TBC1D9: variants seen among roughly 807,000 people sequenced by gnomAD.
The protein encoded by TBC1D9 is TBC1 domain family member 9.
Under a neutral mutation model 132.0 loss-of-function variants are expected in TBC1D9, and 63 were observed. That is an observed-to-expected ratio of 0.48 (90% confidence interval 0.39 to 0.59). The LOEUF (loss-of-function observed/expected upper bound fraction) is 0.59, where lower values mean the gene tolerates loss of function less well. Among genes scored for constraint, TBC1D9 ranks in the 20% least tolerant of loss-of-function variants. The pLI is 0.00. For missense variants in TBC1D9, 1,261 were observed against 1,592.7 expected, an observed-to-expected ratio of 0.79 and a Z score of 3.54; for synonymous variants, 610 against 609.9, an observed-to-expected ratio of 1.00 and a Z score of 0.00.
At chr4:140,635,244 C>G (rs1182949640) in intron 15 of TBC1D9, among the ~76,000 whole-genome samples, 2 of 151,860 alleles carry the variant, frequency 1.3e-5, no homozygotes, top group African/African-American at 4.8e-5. Flanking sequence ...TTTGGGAGGC[C>G]AGGCGAGAGG....
chr4:140,622,953 T>C, intron 20 of TBC1D9, 36 bp from the exon 21 acceptor site: 13 of 1,474,818 alleles, frequency 8.8e-6, no homozygotes, highest in Non-Finnish European at 1.2e-5. Context: ...ATGTGAAATC[T>C]TGGGGGAGCA....
Position 140,634,127 on chromosome 4 carries a change from G to T in TBC1D9, c.2567C>A (p.Pro856His). ...ATACTGTTCCAGGTAGGGCAGGCTG[G>T]GGTCATGCCGGTCCAGCGCGTTGCT... is the stretch of plus-strand genomic sequence containing the variant. ...GSSNALDRHD[P>H]SLPYLEQYRI... Residue 856 changes from proline (P) to histidine (H), a missense_variant, in exon 16 of 21, where the codon CCC becomes CAC. Pro to His is a moderately conservative substitution (Grantham distance 77). This residue lies in a region of TBC1D9 where 618 missense variants were observed against 724.4 expected (regional missense o/e 0.85). Coordinates refer to ENST00000442267, the MANE Select transcript of TBC1D9 (RefSeq NM_015130.3). 1.2e-6 allele frequency: 2 copies of T among 1,613,950 alleles called. No homozygotes were observed. Among genetic ancestry groups the T allele is most frequent in the Non-Finnish European group, 1.7e-6 (2 of 1,179,904 alleles).
intron 2 of TBC1D9, among the ~76,000 whole-genome samples, chr4:140,696,328 G>A (rs1737957606): frequency 1.3e-5 from 2 of 151,708 alleles, no homozygotes; most frequent in South Asian, 4.2e-4. Context: ...GTGGTGGCAG[G>A]TGCCTGTAAT....
chr4:140,647,913 C>T (rs1432528237), intron 13 of TBC1D9, among the ~76,000 whole-genome samples: 7 of 151,624 alleles, frequency 4.6e-5, no homozygotes, highest in South Asian at 2.1e-4. Context: ...CTCCCTCCCC[C>T]GACTTTGGGG....
intron 13 of TBC1D9, among the ~76,000 whole-genome samples, chr4:140,641,121 C>G: frequency 1.0e-5 from 1 of 98,164 alleles, no homozygotes; most frequent in Admixed American, 9.3e-5. Context: ...AAAACAGAAG[C>G]AAAAGAGCAT....
At chr4:140,664,184 A>G (rs1459264253) in intron 9 of TBC1D9, among the ~76,000 whole-genome samples, 1 of 152,120 alleles carries the variant, frequency 6.6e-6, no homozygotes, top group Non-Finnish European at 1.5e-5. Context: ...CCTTAAATAT[A>G]TATACTTTTT....
chr4:140,756,372 A>T lies in TBC1D9; in HGVS notation c.-327T>A, dbSNP rs998760774. On this transcript the variant is annotated 5_prime_UTR_variant, in exon 1 of 21. Coordinates refer to ENST00000442267, the MANE Select transcript of TBC1D9 (RefSeq NM_015130.3). The surrounding 1 kb of genome is among the most constrained non-coding windows in gnomAD (Gnocchi z 5.6). Reference sequence around the variant, plus strand: ...GCTCCCGGCCCACGGCGGCGGGAGGAGCGGGAGGAGGAGGAAGAGGAGGAG... The same window carrying T: ...GCTCCCGGCCCACGGCGGCGGGAGGTGCGGGAGGAGGAGGAAGAGGAGGAG... Among the ~76,000 whole-genome samples the T allele has an allele frequency of 1.3e-5, 2 of 151,768 alleles. No individual in the cohort carries two copies. The highest frequency in any genetic ancestry group is 2.9e-5 in the Non-Finnish European group (2 of 67,892).
At chr4:140,729,818 CAAAAAAAAAAA>C (rs35283552) in intron 1 of TBC1D9, among the ~76,000 whole-genome samples, 588 of 51,930 alleles carry the variant, frequency 0.011, 17 homozygotes, top group African/African-American at 0.045. Flanking sequence ...GATTCCATCT[CAAAAAAAAAAA>C]AAAAAAAAAA....
At chr4:140,710,112 C>G (rs1738218852) in intron 1 of TBC1D9, among the ~76,000 whole-genome samples, 1 of 152,280 alleles carries the variant, frequency 6.6e-6, no homozygotes, top group East Asian at 1.9e-4. Context: ...AATTCTATAA[C>G]TCTCATTTGG....
intron 20 of TBC1D9, 68 bp downstream of exon 20, chr4:140,624,048 T>A: frequency 7.7e-7 from 1 of 1,292,546 alleles, no homozygotes; most frequent in Non-Finnish European, 1.1e-6. Flanking sequence ...CATTTATCGA[T>A]GACTTTTCAG....
intron 1 of TBC1D9, among the ~76,000 whole-genome samples, chr4:140,718,248 A>G (rs1457554743): frequency 7.7e-5 from 2 of 26,028 alleles, no homozygotes; most frequent in Non-Finnish European, 1.2e-4. Flanking sequence ...CTTTTTTCAG[A>G]AAAAAAAAAA....
intron 2 of TBC1D9, among the ~76,000 whole-genome samples, chr4:140,693,577 A>C (rs1737908822): frequency 2.0e-5 from 3 of 152,356 alleles, no homozygotes; most frequent in Admixed American, 6.5e-5. Context: ...AATACACGTC[A>C]AGTCCTTAGA....
At chr4:140,678,208 AG>A (rs1737654001) in intron 5 of TBC1D9, among the ~76,000 whole-genome samples, 1 of 152,240 alleles carries the variant, frequency 6.6e-6, no homozygotes, top group Non-Finnish European at 1.5e-5. Context: ...ACCTCTGGTT[AG>A]ATTTCAACTA....
At chr4:140,747,500 A>G (rs1560903603) in intron 1 of TBC1D9, among the ~76,000 whole-genome samples, 1 of 152,244 alleles carries the variant, frequency 6.6e-6, no homozygotes, top group Admixed American at 6.5e-5. Context: ...ATGTCAGATA[A>G]GATAATCTAT....
intron 1 of TBC1D9, among the ~76,000 whole-genome samples, chr4:140,717,839 C>T (rs147634766): frequency 0.013 from 1,903 of 152,226 alleles, 17 homozygotes; most frequent in Non-Finnish European, 0.017. Context: ...CCCAGGAGCC[C>T]CCCAACTTAT....
chr4:140,697,505 T>C (rs1737988880), intron 2 of TBC1D9, among the ~76,000 whole-genome samples: 1 of 152,222 alleles, frequency 6.6e-6, no homozygotes, highest in East Asian at 1.9e-4. Context: ...GGGTAATCAA[T>C]ATATACAAAA....
Position 140,621,956 on chromosome 4 carries a change from C to G in TBC1D9, c.*239G>C, listed in dbSNP as rs1462611329. On this transcript the variant is annotated 3_prime_UTR_variant, in exon 21 of 21. Coordinates refer to ENST00000442267, the MANE Select transcript of TBC1D9 (RefSeq NM_015130.3). ...TCATCTTTTTGTTTTTTAGAATTCA[C>G]GAAATAAACTGTATTCTGGTAAATC... 6.6e-6 allele frequency: 3 copies of G among 452,772 alleles called. No individual in the cohort carries two copies. The highest frequency in any genetic ancestry group is 1.1e-5 in the Non-Finnish European group (3 of 273,954). 28.0% of individuals were successfully genotyped at this position (452,772 alleles called of 1,614,324 possible).
chr4:140,654,474 TGG>T (rs60769293), intron 13 of TBC1D9, among the ~76,000 whole-genome samples: 6 of 120,574 alleles, frequency 5.0e-5, no homozygotes, highest in Admixed American at 1.7e-4. Context: ...AAGAAAGGGG[TGG>T]GGGGGGGTAC....
intron 2 of TBC1D9, among the ~76,000 whole-genome samples, chr4:140,695,364 G>C (rs1226509573): frequency 6.6e-6 from 1 of 152,196 alleles, no homozygotes; most frequent in Non-Finnish European, 1.5e-5. Flanking sequence ...TCTAGGACCA[G>C]ATGACATTCT....
Sources: gnomAD v4.1 joint callset for allele counts (sites outside exome capture counted in the v4.1 genomes callset) on GRCh38, gnomAD v4.1.1 for gene constraint, gnomAD v4.1.1 regional missense constraint, Gnocchi (gnomAD v3.1) non-coding constraint, MANE v1.5 for transcripts, NCBI Gene and HGNC (gene_info 2026-07-23, HGNC 2026-07-21) for gene names.